Variants in MSN observed in about 807,000 individuals in gnomAD.
MSN encodes the protein moesin, also known as epididymis luminal protein 70.
Under a neutral mutation model 48.0 loss-of-function variants are expected in MSN, and 2 were observed. The ratio of observed to expected loss-of-function variants is 0.04; its 90% CI spans 0.02 to 0.13. The LOEUF (loss-of-function observed/expected upper bound fraction) is 0.13. Among genes scored for constraint, MSN ranks in the 10% least tolerant of loss-of-function variants. The pLI is 1.00. For synonymous variants in MSN, 146 were observed against 166.9 expected, an observed-to-expected ratio of 0.87 and a Z score of 0.97; for missense variants, 267 against 470.1, an observed-to-expected ratio of 0.57 and a Z score of 3.99.
chrX:65,712,546 ATTTT>A (rs757977163), intron 1 of MSN, among the ~76,000 whole-genome samples: 1 of 97,314 alleles, frequency 1.0e-5, no homozygotes, highest in African/African-American at 3.7e-5. Flanking sequence ...TGTAGATTAG[ATTTT>A]TTTTTTTTTT....
chrX:65,696,861 T>C (rs1222870741), intron 1 of MSN, among the ~76,000 whole-genome samples: 1 of 111,143 alleles, frequency 9.0e-6, no homozygotes, highest in Non-Finnish European at 1.9e-5. Flanking sequence ...ACTAATAAGC[T>C]GGATGCCATG....
chrX:65,610,709 T>C (rs1167428720), intron 1 of MSN, among the ~76,000 whole-genome samples: 4 of 112,435 alleles, frequency 3.6e-5, no homozygotes, highest in African/African-American at 1.3e-4. Flanking sequence ...TGCACCATTT[T>C]GCATTATTAC....
upstream of MSN, among the ~76,000 whole-genome samples, chrX:65,666,179 T>G (rs1387312447): frequency 9.3e-6 from 1 of 107,899 alleles, no homozygotes; most frequent in East Asian, 2.9e-4. Flanking sequence ...ATTTTTTTGT[T>G]TTTTTTTTTC....
At chrX:65,648,236 T>C (rs1193831955) in intron 1 of MSN, among the ~76,000 whole-genome samples, 1 of 111,946 alleles carries the variant, frequency 8.9e-6, no homozygotes, top group Non-Finnish European at 1.9e-5. Context: ...TTTTGAGGCC[T>C]GGAGTGGTCA....
At chrX:65,642,581 G>C (rs1471574018) in intron 1 of MSN, among the ~76,000 whole-genome samples, 1 of 111,619 alleles carries the variant, frequency 9.0e-6, no homozygotes, top group Non-Finnish European at 1.9e-5. Flanking sequence ...TGGAACTCAA[G>C]TCAGGGAAAC....
chrX:65,629,882 T>C (rs931893342), intron 1 of MSN, among the ~76,000 whole-genome samples: 20 of 111,823 alleles, frequency 1.8e-4, no homozygotes, highest in Non-Finnish European at 3.8e-5. Context: ...TTCAGTCTTT[T>C]AAAGTGTACA....
intron 1 of MSN, among the ~76,000 whole-genome samples, chrX:65,670,249 CTTTCTCTGCTCCA>C (rs1456410346): frequency 1.8e-5 from 2 of 112,024 alleles, no homozygotes; most frequent in African/African-American, 6.5e-5. Context: ...AAAAATTTCC[CTTTCTCTGCTCCA>C]TTTTCATTTA....
At chrX:65,709,150 T>G (rs1351235972) in intron 1 of MSN, among the ~76,000 whole-genome samples, 1 of 111,941 alleles carries the variant, frequency 8.9e-6, no homozygotes, top group Non-Finnish European at 1.9e-5. Context: ...TATACTGATT[T>G]TTTTTCCTTT....
intron 1 of MSN, among the ~76,000 whole-genome samples, chrX:65,695,032 C>G (rs2071217510): frequency 9.0e-6 from 1 of 111,552 alleles, no homozygotes; most frequent in Admixed American, 9.5e-5. Context: ...ACCTCAGGCC[C>G]TTGTTATGCT....
intron 2 of MSN, among the ~76,000 whole-genome samples, chrX:65,726,168 C>T (rs781617750): frequency 1.8e-4 from 20 of 111,105 alleles, no homozygotes; most frequent in Non-Finnish European, 2.6e-4. Context: ...AAGCATATCT[C>T]GATGCAGAAG....
At chrX:65,726,385 C>G (rs761323974) in intron 2 of MSN, among the ~76,000 whole-genome samples, 1 of 111,592 alleles carries the variant, frequency 9.0e-6, no homozygotes, top group Admixed American at 9.5e-5. Context: ...CCTCTCTAAG[C>G]CTTAGTTCCT....
chrX:65,591,902 T>C (rs948281117), intron 1 of MSN, among the ~76,000 whole-genome samples: 2 of 111,235 alleles, frequency 1.8e-5, no homozygotes, highest in Non-Finnish European at 3.8e-5. Flanking sequence ...ATGGTAGCCA[T>C]AGGATTATCA....
intron 1 of MSN, among the ~76,000 whole-genome samples, chrX:65,614,620 C>G (rs1460476929): frequency 9.5e-6 from 1 of 104,843 alleles, no homozygotes; most frequent in East Asian, 3.0e-4. Flanking sequence ...GTATTTTATT[C>G]TCTTGTAGCA....
chrX:65,603,885 C>A (rs1048541305), intron 1 of MSN, among the ~76,000 whole-genome samples: 1 of 112,071 alleles, frequency 8.9e-6, no homozygotes, highest in African/African-American at 3.2e-5. Context: ...TCATTATTAA[C>A]AACGTGGTAG....
intron 1 of MSN, among the ~76,000 whole-genome samples, chrX:65,643,851 A>G (rs1238592469): frequency 8.9e-5 from 10 of 111,904 alleles, no homozygotes; most frequent in Non-Finnish European, 1.3e-4. Context: ...CTAATTACCT[A>G]TGTAAGGTGA....
chrX:65,667,636 G>T (rs2070886477), upstream of MSN: 1 of 1,015,450 alleles, frequency 9.8e-7, no homozygotes, highest in African/African-American at 1.9e-5. Context: ...ATAAAGGAGC[G>T]GGCGGCGCGA....
At chrX:65,645,055 A>G (rs2070685114) in intron 1 of MSN, among the ~76,000 whole-genome samples, 1 of 112,162 alleles carries the variant, frequency 8.9e-6, no homozygotes, top group African/African-American at 3.2e-5. Context: ...AGCTGATGCC[A>G]AGCCCTGAGT....
intron 1 of MSN, among the ~76,000 whole-genome samples, chrX:65,649,857 A>G: frequency 9.3e-6 from 1 of 107,175 alleles, no homozygotes; most frequent in Non-Finnish European, 1.9e-5. Context: ...GAAACAGACC[A>G]CTACCACCAC....
intron 1 of MSN, among the ~76,000 whole-genome samples, chrX:65,696,503 G>C (rs968321365): frequency 2.7e-5 from 3 of 111,278 alleles, no homozygotes; most frequent in Admixed American, 1.9e-4. Flanking sequence ...AATTTCCATA[G>C]AGATTCTGGT....
Sources: gnomAD v4.1 joint callset for allele counts (sites outside exome capture counted in the v4.1 genomes callset) on GRCh38, gnomAD v4.1.1 for gene constraint, MANE v1.5 for transcripts, NCBI Gene and HGNC (gene_info 2026-07-23, HGNC 2026-07-21) for gene names.